Variants in RYR2 observed in about 807,000 individuals in gnomAD.
The protein encoded by RYR2 is cardiac muscle ryanodine receptor-calcium release channel.
Under a neutral mutation model 601.1 loss-of-function variants are expected in RYR2, and 227 were observed. That is an observed-to-expected ratio of 0.38 (90% CI 0.34 to 0.42). The LOEUF (loss-of-function observed/expected upper bound fraction) is 0.42, where lower values mean the gene tolerates loss of function less well. RYR2 is among the 10% of genes least tolerant of loss of function. The pLI is 1.00. For synonymous variants in RYR2, 2,223 were observed against 2,175.1 expected, an observed-to-expected ratio of 1.02 and a Z score of -0.61; for missense variants, 4,646 against 6,156.5, an observed-to-expected ratio of 0.75 and a Z score of 8.21.
chr1:237,830,217 C>T (rs1558502589), intron 102 of RYR2: 2 of 269,284 alleles, frequency 7.4e-6, no homozygotes, highest in Non-Finnish European at 1.5e-5. Flanking sequence ...AAGAGTTGAT[C>T]ACTAAGCCTG....
At chr1:237,375,917 T>C (rs1700997448) in intron 7 of RYR2, among the ~76,000 whole-genome samples, 1 of 152,226 alleles carries the variant, frequency 6.6e-6, no homozygotes. Flanking sequence ...CAGTGTTTTC[T>C]CCCTGCGTCC....
chr1:237,280,460 CTGTTTTGTAAAGAA>C (rs1415933813), intron 2 of RYR2, among the ~76,000 whole-genome samples: 1 of 152,118 alleles, frequency 6.6e-6, no homozygotes, highest in African/African-American at 2.4e-5. Flanking sequence ...AGAAAGACCA[CTGTTTTGTAAAGAA>C]TATAAATTAT....
rs1354565028 is a variant in RYR2, at chr1:237,142,889, TC to T, written c.48+100321del. On this transcript the variant is annotated intron_variant, in intron 1 of 104. Coordinates refer to ENST00000366574, the MANE Select transcript of RYR2 (RefSeq NM_001035.3). Reference sequence around the variant, plus strand: ...ATGGAAACCAGCATTGCAGGTAATTTCGGGGGCCTCTCGGTAGCACCGGCTC... The same window carrying T: ...ATGGAAACCAGCATTGCAGGTAATTTGGGGGCCTCTCGGTAGCACCGGCTC... Among the ~76,000 whole-genome samples the T allele has an allele frequency of 1.2e-4, 19 of 152,236 alleles. No individual in the cohort carries two copies. The East Asian group carries it at 3.7e-3, about 29-fold the overall frequency.
At chr1:237,616,448 A>G (rs1678479932) in intron 37 of RYR2, among the ~76,000 whole-genome samples, 1 of 152,190 alleles carries the variant, frequency 6.6e-6, no homozygotes, top group Non-Finnish European at 1.5e-5. Context: ...GAATTGGTAC[A>G]GCAGTTCAAT....
chr1:237,334,095 G>A (rs1245905721), intron 3 of RYR2, among the ~76,000 whole-genome samples: 1 of 152,054 alleles, frequency 6.6e-6, no homozygotes, highest in African/African-American at 2.4e-5. Context: ...TTGATGATAA[G>A]GAAAATTTTT....
chr1:237,201,355 T>C lies in RYR2; in HGVS notation c.49-69142T>C, dbSNP rs61832410. Among the ~76,000 whole-genome samples the C allele has an allele frequency of 9.8e-3, 1,491 of 152,312 alleles. 9 individuals are homozygous for C. The highest frequency in any genetic ancestry group is 0.082 in the Middle Eastern group (24 of 294). ...TCTCGACGGCTATCTGCTTTTGTTT[T>C]TCCCTAATAGTTCTGGACAGATATG... On this transcript the variant is annotated intron_variant, in intron 1 of 104. Transcript: ENST00000366574.
chr1:237,583,190 T>C (rs1217308384), intron 29 of RYR2, among the ~76,000 whole-genome samples: 3 of 152,156 alleles, frequency 2.0e-5, no homozygotes, highest in Non-Finnish European at 2.9e-5. Context: ...AATGGGAACA[T>C]TTTTTCATGT....
At chr1:237,342,806 C>G (rs1697942343) in intron 3 of RYR2, among the ~76,000 whole-genome samples, 1 of 152,208 alleles carries the variant, frequency 6.6e-6, no homozygotes, top group African/African-American at 2.4e-5. Flanking sequence ...GCAGCAAGAA[C>G]ACACAGAATG....
chr1:237,540,875 A>G (rs1669184449), intron 25 of RYR2, among the ~76,000 whole-genome samples: 1 of 151,722 alleles, frequency 6.6e-6, no homozygotes, highest in African/African-American at 2.4e-5. Flanking sequence ...GGGCAGATAA[A>G]AGGCTGAGAA....
chr1:237,523,472 C>G (rs916510076), intron 24 of RYR2, among the ~76,000 whole-genome samples: 2 of 152,148 alleles, frequency 1.3e-5, no homozygotes, highest in Non-Finnish European at 2.9e-5. Flanking sequence ...TGGTGGCTCA[C>G]GCCTATAATT....
intron 1 of RYR2, among the ~76,000 whole-genome samples, chr1:237,199,915 A>G (rs1314955441): frequency 1.3e-5 from 2 of 152,190 alleles, no homozygotes; most frequent in Non-Finnish European, 2.9e-5. Flanking sequence ...AATTGTGCCA[A>G]TTTGAATTTA....
In RYR2 at chr1:237,706,969, G is replaced by A. The variant is rs762549821; in HGVS notation, c.9601G>A (p.Val3201Met). Residue 3201 changes from valine (V) to methionine (M), a missense_variant, in exon 68 of 105, where the codon GTG becomes ATG. This residue lies in a region of RYR2 where 1,497 missense variants were observed against 1,842.6 expected (regional missense o/e 0.81). Coordinates refer to ENST00000366574, the MANE Select transcript of RYR2 (RefSeq NM_001035.3). ...ERAALSLPTN[V>M]EDVCPNIPSL... ...TCCAGCTCTCAGTTTGCCAACTAAT[G>A]TGGAAGATGTTTGTCCAAACATACC... 1.0e-4 allele frequency: 166 copies of A among 1,612,652 alleles called. 1 individual carries two copies. In the South Asian group the frequency reaches 1.7e-3, roughly 17 times the overall value.
At chr1:237,772,524 C>T (rs563911811) in intron 86 of RYR2, among the ~76,000 whole-genome samples, 3 of 152,296 alleles carry the variant, frequency 2.0e-5, no homozygotes, top group African/African-American at 7.2e-5. Context: ...TTCTTTTCAG[C>T]TGTCCTAATA....
At chr1:237,789,250 A>G (rs184259572) in intron 92 of RYR2, among the ~76,000 whole-genome samples, 28 of 152,258 alleles carry the variant, frequency 1.8e-4, no homozygotes, top group Middle Eastern at 3.4e-3. Flanking sequence ...GACAACTCAG[A>G]ACCTCAATGA....
chr1:237,737,794 C>T (rs985501980), intron 79 of RYR2, among the ~76,000 whole-genome samples: 2 of 152,168 alleles, frequency 1.3e-5, no homozygotes, highest in Non-Finnish European at 2.9e-5. Flanking sequence ...TCCATCTAAA[C>T]ATACTTTTAT....
intron 1 of RYR2, among the ~76,000 whole-genome samples, chr1:237,157,745 G>T (rs1397059087): frequency 1.3e-5 from 2 of 152,170 alleles, no homozygotes; most frequent in East Asian, 1.9e-4. Flanking sequence ...GTAGTGGGAA[G>T]GGACGGTGGG....
chr1:237,085,210 G>T (rs1353009156), intron 1 of RYR2, among the ~76,000 whole-genome samples: 1 of 152,150 alleles, frequency 6.6e-6, no homozygotes, highest in Admixed American at 6.5e-5. Flanking sequence ...GGATATTAGG[G>T]TAGTGTTTAC....
intron 73 of RYR2, among the ~76,000 whole-genome samples, chr1:237,721,380 A>T (rs1201591524): frequency 6.6e-6 from 1 of 152,168 alleles, no homozygotes; most frequent in Non-Finnish European, 1.5e-5. Flanking sequence ...ATTATTTCTG[A>T]CATTTTAACT....
intron 21 of RYR2, among the ~76,000 whole-genome samples, chr1:237,501,815 T>G (rs528992595): frequency 1.1e-4 from 17 of 152,304 alleles, no homozygotes; most frequent in African/African-American, 4.1e-4. Flanking sequence ...CTTTTCTTTA[T>G]TTTTTTGGAC....
Sources: gnomAD v4.1 joint callset for allele counts (sites outside exome capture counted in the v4.1 genomes callset) on GRCh38, gnomAD v4.1.1 for gene constraint, gnomAD v4.1.1 regional missense constraint, MANE v1.5 for transcripts, NCBI Gene and HGNC (gene_info 2026-07-23, HGNC 2026-07-21) for gene names.